The following MECOM variants were observed in gnomAD, a reference collection of about 807,000 sequenced individuals.
The protein encoded by MECOM is MDS1 and EVI1 complex locus, also known as histone-lysine N-methyltransferase MECOM.
MECOM carries 13 observed loss-of-function variants against 116.3 expected under a neutral mutation model. The observed-to-expected ratio is 0.11, with a 90% CI of 0.07 to 0.18. The LOEUF is 0.18. MECOM is among the 10% of genes least tolerant of loss of function. MECOM has a pLI of 1.00. For synonymous variants in MECOM, 528 were observed against 535.2 expected (o/e 0.99, Z 0.19); for missense variants, 1,299 against 1,509.0 (o/e 0.86, Z 2.31).
intron 1 of MECOM, among the ~76,000 whole-genome samples, chr3:169,437,804 A>G (rs1006992985): frequency 6.6e-6 from 1 of 152,202 alleles, no homozygotes; most frequent in African/African-American, 2.4e-5. Flanking sequence ...AAAAGCAATT[A>G]GAAAGTTATT....
At chr3:169,356,796 G>C (rs764198271) in intron 2 of MECOM, among the ~76,000 whole-genome samples, 3 of 151,916 alleles carry the variant, frequency 2.0e-5, no homozygotes, top group Admixed American at 6.6e-5. Context: ...GTTAGACAAA[G>C]AAATGTGAAT....
chr3:169,088,012 A>G (rs916699948), intron 16 of MECOM, among the ~76,000 whole-genome samples: 4 of 152,222 alleles, frequency 2.6e-5, no homozygotes, highest in African/African-American at 9.6e-5. Flanking sequence ...GATTTGTATT[A>G]TCCCATTGAC....
At chr3:169,147,260 G>A (rs1441843600) in intron 2 of MECOM, 1 of 985,596 alleles carries the variant, frequency 1.0e-6, no homozygotes, top group East Asian at 1.1e-4. Context: ...GGGGCCTGGG[G>A]AGGCGAGGGG....
chr3:169,581,406 C>T (rs1765109033), intron 1 of MECOM, among the ~76,000 whole-genome samples: 1 of 152,144 alleles, frequency 6.6e-6, no homozygotes, highest in Admixed American at 6.6e-5. Context: ...CTAATCAGCT[C>T]CTACCATGAT....
chr3:169,122,604 G>A lies in MECOM; in HGVS notation c.954C>T (p.His318=), dbSNP rs1279588479. 3 of 1,613,926 alleles carry A rather than the reference G, an allele frequency of 1.9e-6. No homozygotes were observed. Among genetic ancestry groups the A allele is most frequent in the Admixed American group, 3.3e-5 (2 of 60,000 alleles). ...CCTTGGCACAGTTTTCACATTCATA[G>A]TGCTTTCCACTGTCATGTGACATCT... ...RHQMSHDSGK[H]YECENCAKVF... is the part of the protein sequence containing the mutation. Residue 318 remains histidine (H), a synonymous_variant, in exon 6 of 17, where the codon CAC becomes CAT. Transcript: ENST00000651503.
intron 2 of MECOM, among the ~76,000 whole-genome samples, chr3:169,247,535 C>G (rs937904497): frequency 6.6e-6 from 1 of 152,192 alleles, no homozygotes; most frequent in African/African-American, 2.4e-5. Flanking sequence ...AACTCCCGAC[C>G]TCAGGTGATC....
In MECOM at chr3:169,264,493, C is replaced by T. The variant is rs372873875; in HGVS notation, c.375+116694G>A. On this transcript the variant is annotated intron_variant, in intron 2 of 16. Coordinates refer to ENST00000651503, the MANE Select transcript of MECOM (RefSeq NM_004991.4). ...AATCAATTAAAAAAAAGCGAAGTAT[C>T]AAGTGCAGATATTGCATTTCTGAGA... Among the ~76,000 whole-genome samples the T allele has an allele frequency of 6.6e-5, 10 of 152,232 alleles. No homozygotes were observed. In the East Asian group the frequency reaches 1.2e-3, roughly 18 times the overall value.
intron 2 of MECOM, among the ~76,000 whole-genome samples, chr3:169,226,041 A>G (rs1752689479): frequency 1.3e-5 from 2 of 152,160 alleles, no homozygotes; most frequent in South Asian, 2.1e-4. Context: ...ATAAACTTCC[A>G]TTGTCTCTTT....
chr3:169,472,302 T>C (rs1449926461), intron 1 of MECOM, among the ~76,000 whole-genome samples: 4 of 149,490 alleles, frequency 2.7e-5, no homozygotes, highest in African/African-American at 4.9e-5. Context: ...TAATAATATA[T>C]TCAGGAGGCT....
intron 12 of MECOM, 136 bp downstream of exon 12, chr3:169,100,749 T>C: frequency 2.9e-6 from 1 of 343,300 alleles, no homozygotes; most frequent in Non-Finnish European, 4.5e-6. Flanking sequence ...TGACTCAAAA[T>C]TGAATAGACA....
At chr3:169,433,557 AGAG>A (rs1560268081) in intron 1 of MECOM, among the ~76,000 whole-genome samples, 1 of 146,674 alleles carries the variant, frequency 6.8e-6, no homozygotes, top group East Asian at 2.1e-4. Context: ...AAAGAAAGAA[AGAG>A]GAAGGAAGGA....
chr3:169,649,069 A>G (rs1242576279), intron 1 of MECOM, among the ~76,000 whole-genome samples: 2 of 152,210 alleles, frequency 1.3e-5, no homozygotes, highest in Non-Finnish European at 2.9e-5. Context: ...GTATTTCTAT[A>G]AAGTGTTTAT....
chr3:169,249,445 G>C (rs752373347), intron 2 of MECOM, among the ~76,000 whole-genome samples: 1 of 152,122 alleles, frequency 6.6e-6, no homozygotes, highest in Non-Finnish European at 1.5e-5. Context: ...ATCTTCCTTG[G>C]CTCCCGGTCC....
intron 1 of MECOM, among the ~76,000 whole-genome samples, chr3:169,519,995 C>T (rs1002695507): frequency 6.6e-5 from 10 of 152,216 alleles, no homozygotes; most frequent in African/African-American, 9.6e-5. Context: ...GTTAGGCACA[C>T]GACCCAAGCC....
Position 169,479,280 on chromosome 3 carries a change from T to TGTGC in MECOM, c.38-97757_38-97756insGCAC, listed in dbSNP as rs557197423. Among the ~76,000 whole-genome samples, 1,268 of 151,380 alleles carry TGTGC rather than the reference T, an allele frequency of 8.4e-3. 29 individuals are homozygous for TGTGC. Among genetic ancestry groups the TGTGC allele is most frequent in the African/African-American group, 0.029 (1,204 of 41,218 alleles). ...ATAGATAGGGATGTGAGTGTGTGTGTGTGTGTGTGTGTGCAAGAGACAGAG... is the reference window on the plus strand; with the variant it reads ...ATAGATAGGGATGTGAGTGTGTGTGTGTGCGTGTGTGTGTGTGCAAGAGACAGAG... On this transcript the variant is annotated intron_variant, in intron 1 of 16. Coordinates refer to ENST00000651503, the MANE Select transcript of MECOM (RefSeq NM_004991.4).
At chr3:169,301,059 T>C (rs1716622357) in intron 2 of MECOM, among the ~76,000 whole-genome samples, 1 of 152,250 alleles carries the variant, frequency 6.6e-6, no homozygotes, top group Non-Finnish European at 1.5e-5. Flanking sequence ...TATTTAAACC[T>C]TAGCCACAGC....
chr3:169,324,890 T>C (rs1248420393), intron 2 of MECOM, among the ~76,000 whole-genome samples: 3 of 152,158 alleles, frequency 2.0e-5, no homozygotes, highest in East Asian at 3.9e-4. Context: ...CCCCCCTCCC[T>C]TCTCTGCCAA....
intron 2 of MECOM, among the ~76,000 whole-genome samples, chr3:169,159,276 G>T (rs1742469505): frequency 6.6e-6 from 1 of 152,164 alleles, no homozygotes; most frequent in South Asian, 2.1e-4. Context: ...CTCTAAAATT[G>T]CAGGCCAGGC....
chr3:169,210,483 G>C (rs1750569180), intron 2 of MECOM, among the ~76,000 whole-genome samples: 1 of 152,152 alleles, frequency 6.6e-6, no homozygotes, highest in African/African-American at 2.4e-5. Context: ...TAGTAATTGA[G>C]TGACATTTTC....
Sources: allele counts gnomAD v4.1 joint callset (sites outside exome capture counted in the v4.1 genomes callset), GRCh38; gene constraint gnomAD v4.1.1; transcripts MANE v1.5; gene names NCBI Gene and HGNC (gene_info 2026-07-23, HGNC 2026-07-21).